The following FAM171A1 variants were observed in gnomAD, a reference collection of about 807,000 sequenced individuals.
The protein encoded by FAM171A1 is family with sequence similarity 171 member A1, also known as protein FAM171A1.
A neutral mutation model predicts 74.9 loss-of-function variants in FAM171A1; 23 were observed. The ratio of observed to expected loss-of-function variants is 0.31; its 90% confidence interval spans 0.22 to 0.44. FAM171A1 has a LOEUF of 0.44. FAM171A1 is among the 20% of genes least tolerant of loss of function. The pLI is 1.00. For missense variants in FAM171A1, 1,162 were observed against 1,159.2 expected, an observed-to-expected ratio of 1.00 and a Z score of -0.03; for synonymous variants, 527 against 505.7, an observed-to-expected ratio of 1.04 and a Z score of -0.57.
chr10:15,226,393 T>C (rs79029456), intron 5 of FAM171A1, among the ~76,000 whole-genome samples: 5,711 of 152,304 alleles, frequency 0.037, 149 homozygotes, highest in African/African-American at 0.075. Flanking sequence ...CATTGATTGT[T>C]ACATAGTTTT....
At chr10:15,317,673 G>T (rs1235097071) in intron 1 of FAM171A1, among the ~76,000 whole-genome samples, 1 of 152,186 alleles carries the variant, frequency 6.6e-6, no homozygotes, top group Non-Finnish European at 1.5e-5. Flanking sequence ...GATTACAGGC[G>T]TGAGCCACCA....
intron 1 of FAM171A1, among the ~76,000 whole-genome samples, chr10:15,353,424 TTGACATAA>T (rs1835900560): frequency 6.6e-6 from 1 of 152,152 alleles, no homozygotes; most frequent in African/African-American, 2.4e-5. Flanking sequence ...ACCATAAATA[TTGACATAA>T]TGATAGATTG....
intron 1 of FAM171A1, among the ~76,000 whole-genome samples, chr10:15,326,197 C>A (rs1414163435): frequency 1.3e-5 from 2 of 152,180 alleles, no homozygotes; most frequent in African/African-American, 4.8e-5. Context: ...TGTAACCCAT[C>A]ATTTCACTCA....
At chr10:15,339,957 C>T (rs761200860) in intron 1 of FAM171A1, among the ~76,000 whole-genome samples, 7 of 152,104 alleles carry the variant, frequency 4.6e-5, no homozygotes, top group African/African-American at 1.7e-4. Flanking sequence ...CATCAGATCT[C>T]GTGAGACTTA....
intron 1 of FAM171A1, among the ~76,000 whole-genome samples, chr10:15,313,775 A>C (rs1835391317): frequency 6.6e-6 from 1 of 152,192 alleles, no homozygotes; most frequent in South Asian, 2.1e-4. Context: ...TGTCATCCTT[A>C]ATTTGGAAGA....
intron 5 of FAM171A1, among the ~76,000 whole-genome samples, chr10:15,236,057 T>C (rs757128355): frequency 1.3e-5 from 2 of 152,152 alleles, no homozygotes; most frequent in Non-Finnish European, 2.9e-5. Context: ...ACGTTCCTGC[T>C]GTACCCAAAT....
chr10:15,278,303 G>T (rs1834920731), intron 2 of FAM171A1, among the ~76,000 whole-genome samples: 1 of 152,230 alleles, frequency 6.6e-6, no homozygotes, highest in Non-Finnish European at 1.5e-5. Flanking sequence ...CCAGGAGAAA[G>T]ACAAGAATAG....
At chr10:15,276,043 G>T in intron 2 of FAM171A1, 96 bp from the exon 3 acceptor site, 1 of 772,900 alleles carries the variant, frequency 1.3e-6, no homozygotes, top group South Asian at 1.9e-5. Context: ...TGTATTTTCT[G>T]ATTTCAAATC....
At chr10:15,269,258 C>T (rs762377766) in intron 3 of FAM171A1, among the ~76,000 whole-genome samples, 23 of 151,870 alleles carry the variant, frequency 1.5e-4, no homozygotes, top group Non-Finnish European at 2.4e-4. Flanking sequence ...GGACTACAGG[C>T]GTGCAGTAGC....
chr10:15,236,923 T>G (rs1385747583), intron 5 of FAM171A1, among the ~76,000 whole-genome samples: 1 of 151,928 alleles, frequency 6.6e-6, no homozygotes, highest in Non-Finnish European at 1.5e-5. Flanking sequence ...GATACCCCCA[T>G]CTCCACTAAA....
At chr10:15,299,745 G>A (rs917224342) in intron 1 of FAM171A1, among the ~76,000 whole-genome samples, 2 of 151,918 alleles carry the variant, frequency 1.3e-5, no homozygotes, top group Non-Finnish European at 2.9e-5. Context: ...TTTGGGAGGC[G>A]AGGTGGGCGG....
intron 3 of FAM171A1, among the ~76,000 whole-genome samples, chr10:15,268,222 G>C (rs1834773131): frequency 6.6e-6 from 1 of 152,100 alleles, no homozygotes; most frequent in African/African-American, 2.4e-5. Flanking sequence ...AAGTACAATG[G>C]GAAAACCATT....
intron 4 of FAM171A1, among the ~76,000 whole-genome samples, chr10:15,251,861 G>C (rs1834513055): frequency 6.6e-6 from 1 of 152,106 alleles, no homozygotes; most frequent in African/African-American, 2.4e-5. Context: ...CTTTAAGTCT[G>C]CACAAAGACA....
chr10:15,340,974 G>T (rs1390693155), intron 1 of FAM171A1, among the ~76,000 whole-genome samples: 2 of 152,252 alleles, frequency 1.3e-5, no homozygotes, highest in South Asian at 2.1e-4. Flanking sequence ...GGTCAAAAAG[G>T]CCCCTCCCAG....
intron 5 of FAM171A1, among the ~76,000 whole-genome samples, chr10:15,229,264 C>G (rs1042982725): frequency 1.3e-5 from 2 of 152,184 alleles, no homozygotes; most frequent in East Asian, 3.9e-4. Flanking sequence ...TTTCATTTTT[C>G]AGCTGTGGGC....
At chr10:15,284,617 T>G (rs539866908) in intron 1 of FAM171A1, among the ~76,000 whole-genome samples, 6 of 152,266 alleles carry the variant, frequency 3.9e-5, no homozygotes, top group Admixed American at 3.9e-4. Flanking sequence ...TTTTGCCATG[T>G]TGCAAAGGCT....
intron 1 of FAM171A1, among the ~76,000 whole-genome samples, chr10:15,289,367 C>G (rs534915761): frequency 6.6e-6 from 1 of 152,116 alleles, no homozygotes; most frequent in South Asian, 2.1e-4. Context: ...CTGAGGACCC[C>G]GCTGAGTTGG....
intron 1 of FAM171A1, among the ~76,000 whole-genome samples, chr10:15,301,234 G>A (rs780179557): frequency 6.6e-5 from 10 of 152,168 alleles, no homozygotes; most frequent in East Asian, 3.9e-4. Flanking sequence ...GGGCAGTGGC[G>A]CGATCTCGGC....
Position 15,214,504 on chromosome 10 carries a change from T to C in FAM171A1, c.1084A>G (p.Ile362Val), listed in dbSNP as rs754195448. 12 of 1,614,072 alleles carry C rather than the reference T, an allele frequency of 7.4e-6. No individual in the cohort carries two copies. The highest frequency in any genetic ancestry group is 1.0e-5 in the Non-Finnish European group (12 of 1,180,036). The change falls in exon 8 of 8, where the codon ATT (isoleucine) becomes GTT (valine). Residue 362 changes from isoleucine (I) to valine (V), a missense_variant. Ile to Val is a conservative substitution (Grantham distance 29, BLOSUM62 3). Transcript: ENST00000378116. ...KRDQSTSMSH[I>V]NLLFSRRASE... ...GCTCGGCGTGAAAACAGCAAGTTAA[T>C]GTGTGACATGGACGTGGACTGGTCT...
Sources: allele counts gnomAD v4.1 joint callset (sites outside exome capture counted in the v4.1 genomes callset), GRCh38; gene constraint gnomAD v4.1.1; transcripts MANE v1.5; gene names NCBI Gene and HGNC (gene_info 2026-07-23, HGNC 2026-07-21).